The following PRDM16 variants were observed in gnomAD, a reference collection of about 807,000 sequenced individuals.
PRDM16 encodes the protein histone-lysine N-methyltransferase PRDM16.
PRDM16 carries 23 observed loss-of-function variants against 110.6 expected under a neutral mutation model. That is an observed-to-expected ratio of 0.21 (90% CI 0.15 to 0.29). PRDM16 has a LOEUF of 0.29. PRDM16 is among the 10% of genes least tolerant of loss of function. The pLI, the probability that PRDM16 is intolerant of heterozygous loss-of-function variation, is 1.00. For synonymous variants in PRDM16, 799 were observed against 781.8 expected, an observed-to-expected ratio of 1.02 and a Z score of -0.37; for missense variants, 1,615 against 1,794.3, an observed-to-expected ratio of 0.90 and a Z score of 1.81.
At chr1:3,402,704 G>T in intron 5 of PRDM16, 87 bp from the exon 6 acceptor site, 1 of 1,221,202 alleles carries the variant, frequency 8.2e-7, no homozygotes, top group East Asian at 2.4e-5. Flanking sequence ...AGGCACCGTG[G>T]TGAGGGGGCC....
intron 2 of PRDM16, among the ~76,000 whole-genome samples, chr1:3,204,042 G>T (rs536358848): frequency 6.6e-6 from 1 of 152,346 alleles, no homozygotes; most frequent in East Asian, 1.9e-4. Context: ...AGGAAGGGAG[G>T]TGTATAGGTC....
chr1:3,365,735 C>T (rs572488033), intron 3 of PRDM16, among the ~76,000 whole-genome samples: 70 of 152,344 alleles, frequency 4.6e-4, no homozygotes, highest in African/African-American at 1.6e-3. Context: ...GCCGCGGCCT[C>T]GTTTCCATTC....
At chr1:3,092,205 G>A (rs575954932) in intron 1 of PRDM16, among the ~76,000 whole-genome samples, 7 of 152,276 alleles carry the variant, frequency 4.6e-5, no homozygotes, top group African/African-American at 1.4e-4. Context: ...GGTGGGTGAC[G>A]TGGTATGGCT....
intron 3 of PRDM16, among the ~76,000 whole-genome samples, chr1:3,377,966 C>T (rs1643024161): frequency 6.6e-6 from 1 of 152,146 alleles, no homozygotes; most frequent in South Asian, 2.1e-4. Flanking sequence ...TCCCAGAGGG[C>T]CTTGGAGGTG....
In PRDM16 at chr1:3,354,030, C is replaced by T. The variant is rs1488728964; in HGVS notation, c.439-31122C>T. On this transcript the variant is annotated intron_variant, in intron 3 of 16. Coordinates refer to ENST00000270722, the MANE Select transcript of PRDM16 (RefSeq NM_022114.4). ...TAGCTTTCTCCTGCCCAGCCACGCC[C>T]ATGGAACCGGGTCCTGGTCCAGGCA... is the stretch of plus-strand genomic sequence containing the variant. Among the ~76,000 whole-genome samples the T allele has an allele frequency of 2.0e-5, 3 of 152,222 alleles. No individual in the cohort carries two copies. The East Asian group carries it at 5.8e-4, about 29-fold the overall frequency.
chr1:3,325,289 C>A (rs1481589421), intron 3 of PRDM16, among the ~76,000 whole-genome samples: 1 of 152,194 alleles, frequency 6.6e-6, no homozygotes, highest in African/African-American at 2.4e-5. Flanking sequence ...GCCGGGCTCC[C>A]AGGAGGTGTT....
chr1:3,428,263 CCGGCCGCGCTG>C (rs1190282360), intron 14 of PRDM16, among the ~76,000 whole-genome samples: 2 of 150,392 alleles, frequency 1.3e-5, no homozygotes, highest in African/African-American at 4.9e-5. Context: ...AGGGTGCAGC[CCGGCCGCGCTG>C]CAGGAGACCC....
chr1:3,389,779 G>A lies in PRDM16; in HGVS notation c.573+4493G>A, dbSNP rs116251626. On this transcript the variant is annotated intron_variant, in intron 4 of 16. Transcript: ENST00000270722. ...GCAAAACATCCCTGCACACAGCTGC[G>A]GGGACCGAGCCTTTCCCCTGGGACT... Among the ~76,000 whole-genome samples the A allele has an allele frequency of 6.7e-3, 1,022 of 152,300 alleles. 17 individuals are homozygous for A. The highest frequency in any genetic ancestry group is 0.023 in the African/African-American group (938 of 41,564).
chr1:3,297,951 G>A (rs1019491500), intron 3 of PRDM16, among the ~76,000 whole-genome samples: 8 of 151,602 alleles, frequency 5.3e-5, no homozygotes, highest in Admixed American at 1.3e-4. Flanking sequence ...GGCAAGCTCC[G>A]CAGGAGCCAG....
chr1:3,368,304 C>G (rs960018662), intron 3 of PRDM16, among the ~76,000 whole-genome samples: 5 of 152,238 alleles, frequency 3.3e-5, no homozygotes, highest in Non-Finnish European at 5.9e-5. Context: ...ACACCTCTGT[C>G]TGGAGAGAAG....
chr1:3,129,748 A>G (rs529221437), intron 1 of PRDM16, among the ~76,000 whole-genome samples: 1 of 152,324 alleles, frequency 6.6e-6, no homozygotes, highest in Non-Finnish European at 1.5e-5. Context: ...TCCCTGGAAG[A>G]GAAAAGAGAA....
chr1:3,340,079 A>G (rs1275903143), intron 3 of PRDM16, among the ~76,000 whole-genome samples: 1 of 152,176 alleles, frequency 6.6e-6, no homozygotes, highest in African/African-American at 2.4e-5. Flanking sequence ...TTGCAGGTCC[A>G]TCCTCTGGAA....
chr1:3,373,536 G>A (rs759605546), intron 3 of PRDM16, among the ~76,000 whole-genome samples: 3 of 152,164 alleles, frequency 2.0e-5, no homozygotes, highest in Admixed American at 1.3e-4. Context: ...ATGGAAATCC[G>A]TCTCTGTGCT....
intron 3 of PRDM16, among the ~76,000 whole-genome samples, chr1:3,362,996 A>C (rs576964400): frequency 1.3e-5 from 2 of 152,236 alleles, no homozygotes; most frequent in South Asian, 4.1e-4. Flanking sequence ...GTAGGGGCAA[A>C]TCAGCCCCTC....
chr1:3,271,098 A>G (rs1271718845), intron 3 of PRDM16, among the ~76,000 whole-genome samples: 1 of 152,144 alleles, frequency 6.6e-6, no homozygotes, highest in African/African-American at 2.4e-5. Context: ...CATGCAGGGG[A>G]TATGCGGTGG....
At chr1:3,307,169 G>A (rs1641334928) in intron 3 of PRDM16, 1 of 152,242 alleles carries the variant, frequency 6.6e-6, no homozygotes, top group Admixed American at 6.5e-5. Context: ...GAAGACGTAA[G>A]TTTCTATTTC....
intron 3 of PRDM16, among the ~76,000 whole-genome samples, chr1:3,310,864 T>C (rs1243758058): frequency 1.3e-5 from 2 of 151,876 alleles, no homozygotes; most frequent in Non-Finnish European, 2.9e-5. Flanking sequence ...TATAAGTGTG[T>C]GTGCATGTGT....
chr1:3,303,351 C>T (rs1486505645), intron 3 of PRDM16, among the ~76,000 whole-genome samples: 1 of 152,168 alleles, frequency 6.6e-6, no homozygotes, highest in Admixed American at 6.5e-5. Flanking sequence ...GGCTTCTCTG[C>T]TCAGCATAGG....
chr1:3,146,750 T>C (rs1283596314), intron 1 of PRDM16, among the ~76,000 whole-genome samples: 1 of 143,322 alleles, frequency 7.0e-6, no homozygotes, highest in African/African-American at 2.6e-5. Context: ...AGTGCACGTG[T>C]GTGCTCGGTG....
Sources: gnomAD v4.1 joint callset for allele counts (sites outside exome capture counted in the v4.1 genomes callset) on GRCh38, gnomAD v4.1.1 for gene constraint, MANE v1.5 for transcripts, NCBI Gene and HGNC (gene_info 2026-07-23, HGNC 2026-07-21) for gene names.